Variants in GRIA4 observed in about 807,000 individuals in gnomAD.
The protein encoded by GRIA4 is glutamate ionotropic receptor AMPA type subunit 4.
Under a neutral mutation model 104.0 loss-of-function variants are expected in GRIA4, and 34 were observed. The ratio of observed to expected loss-of-function variants is 0.33; its 90% CI spans 0.25 to 0.44. The LOEUF is 0.44. Ranked by LOEUF, GRIA4 falls within the 20% of genes least tolerant of loss-of-function variation. GRIA4 has a pLI of 1.00. For synonymous variants in GRIA4, 386 were observed against 381.9 expected, an observed-to-expected ratio of 1.01 and a Z score of -0.13; for missense variants, 750 against 1,096.5, an observed-to-expected ratio of 0.68 and a Z score of 4.46.
chr11:105,620,651 T>G (rs1274169795), intron 3 of GRIA4, among the ~76,000 whole-genome samples: 1 of 151,868 alleles, frequency 6.6e-6, no homozygotes, highest in Non-Finnish European at 1.5e-5. Context: ...CACAAAAATT[T>G]CAGAATCCAA....
intron 3 of GRIA4, among the ~76,000 whole-genome samples, chr11:105,638,529 G>A (rs72991733): frequency 0.011 from 1,286 of 120,436 alleles, 6 homozygotes; most frequent in Admixed American, 0.016. Flanking sequence ...GCCTTACGAG[G>A]TGCGCGTGTA....
intron 3 of GRIA4, among the ~76,000 whole-genome samples, chr11:105,748,010 G>C (rs534009690): frequency 1.3e-5 from 2 of 152,262 alleles, no homozygotes; most frequent in African/African-American, 4.8e-5. Flanking sequence ...ATACTCCTAA[G>C]TACTGTACAC....
chr11:105,741,445 C>T (rs1211366359), intron 3 of GRIA4, among the ~76,000 whole-genome samples: 1 of 152,028 alleles, frequency 6.6e-6, no homozygotes, highest in African/African-American at 2.4e-5. Context: ...ATTAGATGAT[C>T]TAAAGAAACA....
chr11:105,916,435 A>C (rs1340993447), intron 10 of GRIA4, among the ~76,000 whole-genome samples: 3 of 152,170 alleles, frequency 2.0e-5, no homozygotes, highest in African/African-American at 4.8e-5. Flanking sequence ...TTTCACTGCT[A>C]TATTTTATTA....
intron 3 of GRIA4, among the ~76,000 whole-genome samples, chr11:105,681,498 C>T (rs115611308): frequency 1.0e-3 from 155 of 152,234 alleles, no homozygotes; most frequent in African/African-American, 3.6e-3. Flanking sequence ...AACGTAAGCT[C>T]CATAAGATCA....
intron 3 of GRIA4, among the ~76,000 whole-genome samples, chr11:105,716,929 A>C (rs1591129143): frequency 6.6e-6 from 1 of 152,122 alleles, no homozygotes; most frequent in African/African-American, 2.4e-5. Context: ...CTTGATAGGC[A>C]GTTGCTCTAA....
At chr11:105,701,214 A>G (rs79129611) in intron 3 of GRIA4, among the ~76,000 whole-genome samples, 4,077 of 152,240 alleles carry the variant, frequency 0.027, 100 homozygotes, top group African/African-American at 0.065. Context: ...CAGTGATGAA[A>G]TTGCTTGCTT....
At chr11:105,911,731 C>G (rs1349947196) in intron 10 of GRIA4, 3 of 161,504 alleles carry the variant, frequency 1.9e-5, no homozygotes, top group Non-Finnish European at 3.7e-5. Flanking sequence ...TTTGCGTAAA[C>G]TTTCTAACTT....
chr11:105,944,367 T>G (rs967154308), intron 14 of GRIA4, among the ~76,000 whole-genome samples: 5 of 152,134 alleles, frequency 3.3e-5, no homozygotes, highest in Non-Finnish European at 7.3e-5. Flanking sequence ...TTGTATGGGT[T>G]CAGGCTCATT....
intron 3 of GRIA4, among the ~76,000 whole-genome samples, chr11:105,709,584 C>A (rs1953836756): frequency 1.3e-5 from 2 of 152,098 alleles, no homozygotes. Flanking sequence ...TTGAAGGTAA[C>A]ACCACCAGTA....
chr11:105,771,900 C>T (rs1210668051), intron 4 of GRIA4, among the ~76,000 whole-genome samples: 1 of 151,882 alleles, frequency 6.6e-6, no homozygotes, highest in Non-Finnish European at 1.5e-5. Flanking sequence ...ATATATAAAT[C>T]TATTATAAAA....
intron 3 of GRIA4, among the ~76,000 whole-genome samples, chr11:105,649,797 T>C (rs1465912615): frequency 6.6e-6 from 1 of 152,040 alleles, no homozygotes; most frequent in Non-Finnish European, 1.5e-5. Flanking sequence ...TTAATGACTA[T>C]CTCAACAACA....
intron 4 of GRIA4, among the ~76,000 whole-genome samples, chr11:105,806,041 T>C (rs879765286): frequency 2.0e-5 from 3 of 151,888 alleles, no homozygotes; most frequent in Non-Finnish European, 4.4e-5. Context: ...CCAATAAAAG[T>C]AATTTGTATT....
chr11:105,757,411 G>A (rs1048156236), intron 4 of GRIA4, among the ~76,000 whole-genome samples: 14 of 152,196 alleles, frequency 9.2e-5, no homozygotes, highest in African/African-American at 3.1e-4. Flanking sequence ...CAGGGGCACC[G>A]AGCAAATAAT....
rs571907641 is a variant in GRIA4 at position 105,835,158 on chromosome 11, A to G, written c.488-26866A>G. The stretch of plus-strand genomic sequence containing the variant: ...AATATTTTATTTAATGTTACTATTA[A>G]ATTTTATACTTAATTATTTAAAAAT... On this transcript the variant is annotated intron_variant, in intron 4 of 16. Transcript: ENST00000282499. 1.0e-3 allele frequency among the ~76,000 whole-genome samples: 153 copies of G among 152,000 alleles called. 3 individuals are homozygous for G. In the South Asian group the frequency reaches 0.03, roughly 30 times the overall value.
intron 3 of GRIA4, among the ~76,000 whole-genome samples, chr11:105,721,837 G>T (rs116360538): frequency 6.6e-6 from 1 of 152,154 alleles, no homozygotes; most frequent in African/African-American, 2.4e-5. Context: ...GACAGCAATT[G>T]GTCTTAGCTC....
intron 3 of GRIA4, among the ~76,000 whole-genome samples, chr11:105,677,547 C>T (rs576225311): frequency 9.9e-5 from 15 of 151,778 alleles, no homozygotes; most frequent in African/African-American, 3.6e-4. Context: ...TCATCTATCT[C>T]CTACCAAAAA....
chr11:105,625,167 C>A (rs1268682049), intron 3 of GRIA4, among the ~76,000 whole-genome samples: 1 of 151,916 alleles, frequency 6.6e-6, no homozygotes, highest in African/African-American at 2.4e-5. Flanking sequence ...AGATAGATAA[C>A]CTGTCAACAC....
At chr11:105,770,814 A>G (rs1377095934) in intron 4 of GRIA4, among the ~76,000 whole-genome samples, 1 of 152,020 alleles carries the variant, frequency 6.6e-6, no homozygotes, top group Non-Finnish European at 1.5e-5. Context: ...TATCTTTACT[A>G]AGACCATTTA....
Sources: allele counts gnomAD v4.1 joint callset (sites outside exome capture counted in the v4.1 genomes callset), GRCh38; gene constraint gnomAD v4.1.1; transcripts MANE v1.5; gene names NCBI Gene and HGNC (gene_info 2026-07-23, HGNC 2026-07-21).